Variants in ADCY8 observed in about 807,000 individuals in gnomAD.
The protein encoded by ADCY8 is adenylate cyclase 8, also known as adenylate cyclase type 8.
ADCY8 carries 51 observed loss-of-function variants against 119.7 expected under a neutral mutation model. The ratio of observed to expected loss-of-function variants is 0.43; its 90% CI spans 0.34 to 0.54. The LOEUF is 0.54. ADCY8 is among the 20% of genes least tolerant of loss of function. The pLI is 0.03. For synonymous variants in ADCY8, 665 were observed against 651.0 expected (o/e 1.02, Z -0.33); for missense variants, 1,383 against 1,598.8 (o/e 0.87, Z 2.30).
chr8:131,014,646 C>T (rs71524503), intron 1 of ADCY8, among the ~76,000 whole-genome samples: 3,696 of 152,180 alleles, frequency 0.024, 47 homozygotes, highest in East Asian at 0.056. Flanking sequence ...GTTCAAAGAT[C>T]TGTTTTTGGG....
chr8:130,995,301 G>T (rs1055237655), intron 1 of ADCY8, among the ~76,000 whole-genome samples: 12 of 152,116 alleles, frequency 7.9e-5, no homozygotes, highest in Non-Finnish European at 1.3e-4. Context: ...AAGTGGGCTT[G>T]GGAGAAGGAA....
At chr8:130,870,860 T>C (rs1034787830) in intron 8 of ADCY8, among the ~76,000 whole-genome samples, 1 of 152,220 alleles carries the variant, frequency 6.6e-6, no homozygotes. Context: ...TATTTTATTG[T>C]GAGCAAAGCC....
At chr8:130,791,702 A>G (rs1815430385) in intron 15 of ADCY8, among the ~76,000 whole-genome samples, 1 of 152,118 alleles carries the variant, frequency 6.6e-6, no homozygotes, top group South Asian at 2.1e-4. Flanking sequence ...CACTCCACTT[A>G]CCTGCACCTG....
intron 8 of ADCY8, among the ~76,000 whole-genome samples, chr8:130,872,006 G>A: frequency 6.6e-6 from 1 of 152,044 alleles, no homozygotes; most frequent in East Asian, 1.9e-4. Context: ...ATTTTTTTCA[G>A]ATAGGAAACT....
intron 9 of ADCY8, among the ~76,000 whole-genome samples, chr8:130,861,482 G>A (rs1053712155): frequency 3.9e-5 from 6 of 152,010 alleles, no homozygotes; most frequent in South Asian, 2.1e-4. Flanking sequence ...AAATTTCAAC[G>A]TTAGATGGCT....
chr8:130,841,481 A>G (rs1346024393), intron 11 of ADCY8, among the ~76,000 whole-genome samples: 1 of 152,218 alleles, frequency 6.6e-6, no homozygotes, highest in Admixed American at 6.5e-5. Flanking sequence ...CAAACAGTTT[A>G]CAAACTAAAT....
chr8:130,782,674 A>G (rs1238460243), intron 17 of ADCY8, among the ~76,000 whole-genome samples: 1 of 152,238 alleles, frequency 6.6e-6, no homozygotes, highest in African/African-American at 2.4e-5. Context: ...CATTGATAAG[A>G]TTGATGGAAG....
chr8:130,821,050 G>C (rs1816492825), intron 13 of ADCY8, among the ~76,000 whole-genome samples: 1 of 152,094 alleles, frequency 6.6e-6, no homozygotes, highest in African/African-American at 2.4e-5. Flanking sequence ...ATTTCATCCA[G>C]GCAACAGAAT....
At chr8:130,847,041 A>G (rs2130304902) in intron 11 of ADCY8, among the ~76,000 whole-genome samples, 1 of 151,870 alleles carries the variant, frequency 6.6e-6, no homozygotes, top group South Asian at 2.1e-4. Context: ...AATAGAGATA[A>G]CAGTGCATTC....
intron 5 of ADCY8, among the ~76,000 whole-genome samples, chr8:130,921,924 A>C (rs962800622): frequency 3.3e-5 from 5 of 152,158 alleles, no homozygotes; most frequent in Admixed American, 1.3e-4. Flanking sequence ...AGGTGATTGG[A>C]TCATAAGGGA....
At chr8:130,811,933 A>G (rs560383928) in intron 14 of ADCY8, among the ~76,000 whole-genome samples, 1 of 152,302 alleles carries the variant, frequency 6.6e-6, no homozygotes, top group South Asian at 2.1e-4. Flanking sequence ...TTTCAAAGAC[A>G]CCTTCAGTTC....
intron 14 of ADCY8, among the ~76,000 whole-genome samples, chr8:130,806,362 G>T (rs961237801): frequency 1.3e-5 from 2 of 152,124 alleles, no homozygotes; most frequent in Non-Finnish European, 2.9e-5. Context: ...TCCCACAATT[G>T]CTGAGCACAG....
chr8:130,949,185 A>G (rs1821199802), intron 3 of ADCY8, among the ~76,000 whole-genome samples: 1 of 152,134 alleles, frequency 6.6e-6, no homozygotes, highest in Admixed American at 6.5e-5. Context: ...AGAAGAAACT[A>G]GCTGCTTAAG....
chr8:130,981,599 CT>C (rs111589880), intron 2 of ADCY8, among the ~76,000 whole-genome samples: 1,831 of 152,258 alleles, frequency 0.012, 45 homozygotes, highest in African/African-American at 0.042. Flanking sequence ...GTTGAGGTCC[CT>C]GATGGTGATT....
chr8:130,975,088 G>A (rs1367701226), intron 2 of ADCY8, among the ~76,000 whole-genome samples: 1 of 152,170 alleles, frequency 6.6e-6, no homozygotes, highest in East Asian at 1.9e-4. Flanking sequence ...ACCCACCTCC[G>A]AGGCCCATGG....
chr8:130,813,810 T>C (rs1038153058), intron 14 of ADCY8, among the ~76,000 whole-genome samples: 4 of 152,116 alleles, frequency 2.6e-5, no homozygotes, highest in Admixed American at 6.5e-5. Context: ...TACATATATA[T>C]ACACACACAC....
chr8:131,010,764 A>G (rs1174557578), intron 1 of ADCY8, among the ~76,000 whole-genome samples: 2 of 152,248 alleles, frequency 1.3e-5, no homozygotes, highest in African/African-American at 4.8e-5. Context: ...GTTTAAAGTT[A>G]CATCTCTTTC....
At chr8:130,896,837 G>A (rs79762305) in intron 7 of ADCY8, among the ~76,000 whole-genome samples, 1,989 of 152,152 alleles carry the variant, frequency 0.013, 41 homozygotes, top group African/African-American at 0.044. Context: ...TGGCTTCCTG[G>A]TAAATTATTT....
intron 4 of ADCY8, among the ~76,000 whole-genome samples, chr8:130,939,928 G>T (rs1054306515): frequency 1.3e-5 from 2 of 152,174 alleles, no homozygotes; most frequent in East Asian, 1.9e-4. Flanking sequence ...GAAGCTTCCT[G>T]TGCTACAGAG....
Sources: gnomAD v4.1 joint callset for allele counts (sites outside exome capture counted in the v4.1 genomes callset) on GRCh38, gnomAD v4.1.1 for gene constraint, MANE v1.5 for transcripts, NCBI Gene and HGNC (gene_info 2026-07-23, HGNC 2026-07-21) for gene names.